DSG4: variants seen among roughly 807,000 people sequenced by gnomAD.
DSG4 encodes desmoglein-4.
A neutral mutation model predicts 93.1 loss-of-function variants in DSG4; 87 were observed. The observed-to-expected ratio is 0.93, with a 90% CI of 0.79 to 1.12. DSG4 has a LOEUF of 1.12. Among genes scored for constraint, DSG4 ranks in the 50% most tolerant of loss-of-function variants. DSG4 has a pLI of 0.00. For synonymous variants in DSG4, 432 were observed against 452.9 expected (o/e 0.95, Z 0.59); for missense variants, 1,373 against 1,285.7 (o/e 1.07, Z -1.04).
At chr18:31,407,552 T>C (rs902919060) in intron 12 of DSG4, among the ~76,000 whole-genome samples, 5 of 152,208 alleles carry the variant, frequency 3.3e-5, no homozygotes, top group African/African-American at 4.8e-5. Flanking sequence ...TTCATGGGGA[T>C]CAAAAGCTGG....
At chr18:31,385,697 GA>G (rs564084104) in intron 2 of DSG4, among the ~76,000 whole-genome samples, 378 of 152,102 alleles carry the variant, frequency 2.5e-3, no homozygotes, top group Non-Finnish European at 3.9e-3. Context: ...CAAATCATTG[GA>G]AAAAATAAAG....
intron 12 of DSG4, 45 bp from the exon 13 acceptor site, chr18:31,409,407 A>G (rs1489453488): frequency 6.2e-7 from 1 of 1,613,356 alleles, no homozygotes; most frequent in Admixed American, 1.7e-5. Context: ...GACTTCCTAA[A>G]CCGAGCAATG....
intron 12 of DSG4, among the ~76,000 whole-genome samples, chr18:31,407,755 A>G (rs1470978966): frequency 6.6e-6 from 1 of 152,240 alleles, no homozygotes; most frequent in African/African-American, 2.4e-5. Flanking sequence ...CAATGATATT[A>G]GACACATTTT....
intron 1 of DSG4, among the ~76,000 whole-genome samples, chr18:31,384,404 T>C (rs1044535474): frequency 2.0e-5 from 3 of 152,126 alleles, no homozygotes; most frequent in Non-Finnish European, 4.4e-5. Flanking sequence ...CATATGTATA[T>C]TTCATTACAG....
intron 5 of DSG4, among the ~76,000 whole-genome samples, chr18:31,389,403 G>A (rs1316393707): frequency 6.6e-6 from 1 of 152,138 alleles, no homozygotes; most frequent in Non-Finnish European, 1.5e-5. Context: ...GAGCGTGATG[G>A]TGGAAGCACA....
chr18:31,406,153 C>T lies in DSG4; in HGVS notation c.1713C>T (p.Ser571=), dbSNP rs2072423103. Residue 571 remains serine (S), a synonymous_variant, in exon 12 of 16, where the codon AGC becomes AGT. Transcript: ENST00000308128. The part of the protein sequence containing the change: ...FYEIPILVKD[S]YNRACELAQM... ...AAATCCCAATCCTGGTGAAGGACAG[C>T]TATAACAGAGCATGTGAATTGGCAC... The T allele has an allele frequency of 1.2e-6, 2 of 1,614,018 alleles. No individual in the cohort carries two copies. Among genetic ancestry groups the T allele is most frequent in the Middle Eastern group, 1.6e-4 (1 of 6,084 alleles).
At chr18:31,378,165 A>G (rs986221444) in intron 1 of DSG4, among the ~76,000 whole-genome samples, 1 of 152,262 alleles carries the variant, frequency 6.6e-6, no homozygotes, top group African/African-American at 2.4e-5. Flanking sequence ...ACAGATTATT[A>G]AACAATACCA....
At chr18:31,409,625 A>T in intron 13 of DSG4, 34 bp downstream of exon 13, 1 of 1,614,236 alleles carries the variant, frequency 6.2e-7, no homozygotes, top group Non-Finnish European at 8.5e-7. Context: ...AGAAGTGTGG[A>T]GTTTCAGTGG....
intron 1 of DSG4, among the ~76,000 whole-genome samples, chr18:31,378,542 A>G (rs186141198): frequency 6.6e-6 from 1 of 152,150 alleles, no homozygotes; most frequent in African/African-American, 2.4e-5. Context: ...AGAGTATTAT[A>G]CTTCAGACTC....
intron 1 of DSG4, among the ~76,000 whole-genome samples, chr18:31,381,382 TAAAAAAAA>T (rs199633630): frequency 6.8e-6 from 1 of 147,770 alleles, no homozygotes; most frequent in African/African-American, 2.5e-5. Flanking sequence ...TTTTGCAAAT[TAAAAAAAA>T]AAATGTTCAT....
chr18:31,399,709 T>G (rs2072344743), intron 9 of DSG4, among the ~76,000 whole-genome samples, 166 bp downstream of exon 9: 1 of 152,206 alleles, frequency 6.6e-6, no homozygotes, highest in Non-Finnish European at 1.5e-5. Flanking sequence ...ATTTTAAGTG[T>G]TTTAGAGGCT....
chr18:31,392,353 G>C lies in DSG4; in HGVS notation c.1005+13G>C. On this transcript the variant is annotated intron_variant, in intron 8 of 15. Coordinates refer to ENST00000308128, the MANE Select transcript of DSG4 (RefSeq NM_177986.5). ...GAAAGTTGTCAAGGTACAGTATAAGGATCTGCAATATTTTCTTCCAAAATA... is the reference window on the plus strand; with the variant it reads ...GAAAGTTGTCAAGGTACAGTATAAGCATCTGCAATATTTTCTTCCAAAATA... 1.2e-6 allele frequency: 2 copies of C among 1,612,796 alleles called. No individual in the cohort carries two copies. Among genetic ancestry groups the C allele is most frequent in the Middle Eastern group, 1.7e-4 (1 of 6,046 alleles).
chr18:31,385,466 T>A (rs2072177607), intron 2 of DSG4, among the ~76,000 whole-genome samples: 1 of 152,156 alleles, frequency 6.6e-6, no homozygotes, highest in South Asian at 2.1e-4. Context: ...AAAGTGACAC[T>A]TTAGAGTGGG....
intron 5 of DSG4, among the ~76,000 whole-genome samples, chr18:31,390,228 G>A (rs972175358): frequency 3.9e-5 from 6 of 152,064 alleles, no homozygotes; most frequent in African/African-American, 1.4e-4. Context: ...AAGAATATAG[G>A]TGTTCAATAC....
At chr18:31,385,536 G>C (rs2072178466) in intron 2 of DSG4, among the ~76,000 whole-genome samples, 1 of 152,028 alleles carries the variant, frequency 6.6e-6, no homozygotes, top group Non-Finnish European at 1.5e-5. Context: ...ATGAGAAAAA[G>C]GACAAACATT....
At chr18:31,388,795 C>A in intron 4 of DSG4, 79 bp from the exon 5 acceptor site, 4 of 1,605,230 alleles carry the variant, frequency 2.5e-6, no homozygotes, top group Non-Finnish European at 2.6e-6. Flanking sequence ...GTTTCTTTGC[C>A]TATTTTCTGA....
rs1050247837 is a variant in DSG4 at position 31,406,233 on chromosome 18, C to T, written c.1793C>T (p.Ser598Phe). ...GATGACAACCACATGTGCCTGGACT[C>T]TGGTGCCGCGGGCATCTACACAGAG... ...DCDDNHMCLDSGAAGIYTEDI... is the reference protein window; with the variant it reads ...DCDDNHMCLDFGAAGIYTEDI... Residue 598 changes from serine (S) to phenylalanine (F), a missense_variant, in exon 12 of 16, where the codon TCT (serine) becomes TTT (phenylalanine). By Grantham distance (155) the Ser-to-Phe change is radical. Coordinates refer to ENST00000308128, the MANE Select transcript of DSG4 (RefSeq NM_177986.5). 1 of 1,614,170 alleles carries T rather than the reference C, an allele frequency of 6.2e-7. No homozygotes were observed. The highest frequency in any genetic ancestry group is 1.1e-5 in the South Asian group (1 of 91,088).
chr18:31,381,662 CT>C (rs894486590), intron 1 of DSG4, among the ~76,000 whole-genome samples: 1 of 151,544 alleles, frequency 6.6e-6, no homozygotes, highest in African/African-American at 2.4e-5. Context: ...TTTTAGTTTC[CT>C]TTTTTTTCTT....
At chr18:31,387,942 C>A (rs142418042) in intron 3 of DSG4, among the ~76,000 whole-genome samples, 1 of 152,098 alleles carries the variant, frequency 6.6e-6, no homozygotes, top group African/African-American at 2.4e-5. Flanking sequence ...CTGATATTCT[C>A]AACTTATCTA....
Sources: gnomAD v4.1 joint callset for allele counts (sites outside exome capture counted in the v4.1 genomes callset) on GRCh38, gnomAD v4.1.1 for gene constraint, MANE v1.5 for transcripts, NCBI Gene and HGNC (gene_info 2026-07-23, HGNC 2026-07-21) for gene names.